The following WWOX variants were observed in gnomAD, a reference collection of about 807,000 sequenced individuals.
The protein encoded by WWOX is WW domain containing oxidoreductase.
A neutral mutation model predicts 46.2 loss-of-function variants in WWOX; 69 were observed. The observed-to-expected ratio is 1.49, with a 90% CI of 1.23 to 1.82. The LOEUF is 1.82. Among genes scored for constraint, WWOX ranks in the 40% most tolerant of loss-of-function variants. The pLI is 0.00. For missense variants in WWOX, 919 were observed against 542.6 expected (o/e 1.69, Z -6.89); for synonymous variants, 359 against 202.6 (o/e 1.77, Z -6.56).
intron 8 of WWOX, among the ~76,000 whole-genome samples, chr16:79,175,010 C>G (rs367699123): frequency 4.6e-5 from 7 of 152,218 alleles, no homozygotes; most frequent in Admixed American, 3.3e-4. Context: ...CTCAGCATAC[C>G]GTGTCTTATT....
chr16:78,497,649 G>C (rs1399637774), intron 8 of WWOX, among the ~76,000 whole-genome samples: 1 of 152,180 alleles, frequency 6.6e-6, no homozygotes, highest in Non-Finnish European at 1.5e-5. Flanking sequence ...CCAACATCTA[G>C]CATTATTGTG....
chr16:79,091,057 G>A (rs1189327641), intron 8 of WWOX, among the ~76,000 whole-genome samples: 2 of 152,034 alleles, frequency 1.3e-5, no homozygotes, highest in East Asian at 1.9e-4. Flanking sequence ...CAAAGTACTG[G>A]GATTATAGGC....
chr16:78,400,425 G>T (rs2082384940), intron 6 of WWOX, among the ~76,000 whole-genome samples: 1 of 152,168 alleles, frequency 6.6e-6, no homozygotes, highest in Non-Finnish European at 1.5e-5. Context: ...AATCAGCTGG[G>T]AATCGAACAC....
chr16:78,947,267 T>C (rs905599799), intron 8 of WWOX, among the ~76,000 whole-genome samples: 1 of 152,178 alleles, frequency 6.6e-6, no homozygotes. Flanking sequence ...TCAAGCCACT[T>C]AGATTTTTAA....
chr16:78,354,756 A>G lies in WWOX; in HGVS notation c.517-32104A>G, dbSNP rs961337850. On this transcript the variant is annotated intron_variant, in intron 5 of 8. Transcript: ENST00000566780. Reference sequence around the variant, plus strand: ...CTCATTCTGTTAAATTTTGTTTTCTATTTTTCATGTTTTTGGGTTTTTCTA... The same window carrying G: ...CTCATTCTGTTAAATTTTGTTTTCTGTTTTTCATGTTTTTGGGTTTTTCTA... Among the ~76,000 whole-genome samples the G allele has an allele frequency of 4.6e-5, 7 of 151,842 alleles. No homozygotes were observed. The East Asian group carries it at 5.8e-4, about 13-fold the overall frequency.
At chr16:78,430,228 G>C (rs560515635) in intron 7 of WWOX, among the ~76,000 whole-genome samples, 1 of 152,124 alleles carries the variant, frequency 6.6e-6, no homozygotes, top group African/African-American at 2.4e-5. Context: ...ACTACCATGA[G>C]AACAGTATGG....
intron 5 of WWOX, among the ~76,000 whole-genome samples, chr16:78,165,351 G>A (rs1386511403): frequency 6.6e-6 from 1 of 152,194 alleles, no homozygotes; most frequent in African/African-American, 2.4e-5. Context: ...TCTTTGTAGA[G>A]CTTTCAGCCT....
chr16:79,111,170 G>A (rs1597385484), intron 8 of WWOX, among the ~76,000 whole-genome samples: 1 of 152,198 alleles, frequency 6.6e-6, no homozygotes, highest in African/African-American at 2.4e-5. Flanking sequence ...AAAGTTAGAG[G>A]GGAGGAGTAA....
chr16:79,051,029 G>A (rs1045239044), intron 8 of WWOX, among the ~76,000 whole-genome samples: 2 of 152,152 alleles, frequency 1.3e-5, no homozygotes, highest in African/African-American at 4.8e-5. Flanking sequence ...GCCCATTAAC[G>A]CTTATAGCAG....
intron 8 of WWOX, chr16:79,206,019 T>G (rs1274183983): frequency 6.6e-6 from 1 of 152,226 alleles, no homozygotes; most frequent in Non-Finnish European, 1.5e-5. Flanking sequence ...TCGGACGACC[T>G]TTTTAGTAAG....
At chr16:78,629,371 G>C (rs370253654) in intron 8 of WWOX, among the ~76,000 whole-genome samples, 2 of 152,074 alleles carry the variant, frequency 1.3e-5, no homozygotes, top group Non-Finnish European at 2.9e-5. Context: ...GTATATAGCA[G>C]TGTTGTCAGT....
intron 8 of WWOX, among the ~76,000 whole-genome samples, chr16:78,746,089 G>C (rs889886619): frequency 6.6e-6 from 1 of 152,196 alleles, no homozygotes; most frequent in Non-Finnish European, 1.5e-5. Flanking sequence ...CCAGAGCTAA[G>C]ATGGTGCAAA....
intron 5 of WWOX, among the ~76,000 whole-genome samples, chr16:78,319,836 A>G (rs2080429441): frequency 6.6e-6 from 1 of 152,118 alleles, no homozygotes; most frequent in Non-Finnish European, 1.5e-5. Flanking sequence ...GTGAGGAAGC[A>G]AAACTTTTAC....
chr16:79,052,327 A>G lies in WWOX; in HGVS notation c.1057-159281A>G, dbSNP rs534353715. On this transcript the variant is annotated intron_variant, in intron 8 of 8. Coordinates refer to ENST00000566780, the MANE Select transcript of WWOX (RefSeq NM_016373.4). ...TTCTTGCGATAGTTTACTGACAGTGATGATTTCCAATTTCATCCATGTCCC... is the reference window on the plus strand; with the variant it reads ...TTCTTGCGATAGTTTACTGACAGTGGTGATTTCCAATTTCATCCATGTCCC... Among the ~76,000 whole-genome samples, 421 of 152,202 alleles carry G rather than the reference A, an allele frequency of 2.8e-3. 2 individuals carry two copies. Among genetic ancestry groups the G allele is most frequent in the African/African-American group, 1.0e-2 (414 of 41,516 alleles).
chr16:78,830,485 A>G (rs544318043), intron 8 of WWOX, among the ~76,000 whole-genome samples: 1 of 152,158 alleles, frequency 6.6e-6, no homozygotes, highest in African/African-American at 2.4e-5. Flanking sequence ...CTGCCTGAAG[A>G]GGCCTCAAAA....
chr16:78,150,526 A>G (rs1417276138), intron 4 of WWOX, among the ~76,000 whole-genome samples: 1 of 152,122 alleles, frequency 6.6e-6, no homozygotes, highest in South Asian at 2.1e-4. Context: ...CTACAGTTGC[A>G]CACCACCATG....
rs565660390 is a variant in WWOX, at chr16:78,774,911, T to A, written c.1056+342159T>A. 2.0e-3 allele frequency among the ~76,000 whole-genome samples: 308 copies of A among 152,296 alleles called. 1 individual carries two copies. Among genetic ancestry groups the A allele is most frequent in the African/African-American group, 7.2e-3 (300 of 41,562 alleles). On this transcript the variant is annotated intron_variant, in intron 8 of 8. Transcript: ENST00000566780. The stretch of plus-strand genomic sequence containing the variant: ...ACTAAGACAGATGGAACGTCACCGT[T>A]GCCCATAGCACTCATGGACAGCATG...
intron 8 of WWOX, among the ~76,000 whole-genome samples, chr16:78,848,754 C>T (rs1364918409): frequency 6.6e-6 from 1 of 151,954 alleles, no homozygotes; most frequent in Non-Finnish European, 1.5e-5. Context: ...GTTCTCAATG[C>T]CATACATGAG....
At chr16:78,685,659 A>C (rs2047837868) in intron 8 of WWOX, among the ~76,000 whole-genome samples, 1 of 152,266 alleles carries the variant, frequency 6.6e-6, no homozygotes, top group Non-Finnish European at 1.5e-5. Flanking sequence ...ATGCAAAGGC[A>C]GAGAAGCTTC....
Sources: gnomAD v4.1 joint callset for allele counts (sites outside exome capture counted in the v4.1 genomes callset) on GRCh38, gnomAD v4.1.1 for gene constraint, MANE v1.5 for transcripts, NCBI Gene and HGNC (gene_info 2026-07-23, HGNC 2026-07-21) for gene names.